PCDHGA3: variants seen among roughly 807,000 people sequenced by gnomAD.
PCDHGA3 encodes the protein protocadherin gamma subfamily A, 3.
PCDHGA3 carries 40 observed loss-of-function variants against 58.5 expected under a neutral mutation model. The ratio of observed to expected loss-of-function variants is 0.68; its 90% CI spans 0.53 to 0.89. The LOEUF is 0.89. Among genes scored for constraint, PCDHGA3 ranks in the 40% least tolerant of loss-of-function variants. The pLI is 0.00. For missense variants in PCDHGA3, 1,223 were observed against 1,195.9 expected (o/e 1.02, Z -0.33); for synonymous variants, 530 against 525.7 (o/e 1.01, Z -0.11).
rs573088236 is a variant in PCDHGA3, at chr5:141,489,279, G to A, written c.2425-5528G>A. On this transcript the variant is annotated intron_variant, in intron 1 of 3. Coordinates refer to ENST00000253812, the MANE Select transcript of PCDHGA3 (RefSeq NM_018916.4). This position sits in a 1 kb window ranked among gnomAD's most constrained non-coding sequence, Gnocchi z 4.5. Reference sequence around the variant, plus strand: ...CACTCCCACAGCTCGCTGGGAAATGGCAAGTGCTGTGCATGTTGTCCTTGT... The same window carrying A: ...CACTCCCACAGCTCGCTGGGAAATGACAAGTGCTGTGCATGTTGTCCTTGT... The A allele has an allele frequency of 6.4e-7, 1 of 1,562,030 alleles. No individual in the cohort carries two copies. Among genetic ancestry groups the A allele is most frequent in the East Asian group, 2.2e-5 (1 of 44,522 alleles).
Position 141,485,618 on chromosome 5 carries a change from G to A in PCDHGA3, c.2425-9189G>A, listed in dbSNP as rs2099616729. 2.5e-6 allele frequency: 4 copies of A among 1,612,092 alleles called. No individual in the cohort carries two copies. Among genetic ancestry groups the A allele is most frequent in the Non-Finnish European group, 3.4e-6 (4 of 1,178,672 alleles). On this transcript the variant is annotated intron_variant, in intron 1 of 3. Coordinates refer to ENST00000253812, the MANE Select transcript of PCDHGA3 (RefSeq NM_018916.4). This position sits in a 1 kb window ranked among gnomAD's most constrained non-coding sequence, Gnocchi z 5.7. The stretch of plus-strand genomic sequence containing the variant: ...GGAAATTGGGGAGGCAGCTCCTCCA[G>A]GACAGCGTTTCCCGTTGGAAAAGGC...
chr5:141,375,702 C>T, intron 1 of PCDHGA3: 2 of 1,614,242 alleles, frequency 1.2e-6, no homozygotes, highest in Non-Finnish European at 1.7e-6. Flanking sequence ...AGCGGGGACC[C>T]GCCTCTTAGC....
At chr5:141,370,708 A>G in intron 1 of PCDHGA3, 6 of 1,613,778 alleles carry the variant, frequency 3.7e-6, no homozygotes, top group Non-Finnish European at 5.1e-6. Context: ...TGTGTTCTGG[A>G]ATTTGAAATG....
At chr5:141,346,518 C>A in intron 1 of PCDHGA3, 61 bp downstream of exon 1, 1 of 1,596,576 alleles carries the variant, frequency 6.3e-7, no homozygotes. Flanking sequence ...TATTATAAAG[C>A]TTTAACACAT....
At chr5:141,415,036 T>C (rs772612744) in intron 1 of PCDHGA3, 1 of 1,613,526 alleles carries the variant, frequency 6.2e-7, no homozygotes, top group Admixed American at 1.7e-5. Context: ...GCCGGGACTC[T>C]TCGCGGTGGG....
chr5:141,432,797 T>C lies in PCDHGA3; in HGVS notation c.2425-62010T>C, dbSNP rs1591218426. On this transcript the variant is annotated intron_variant, in intron 1 of 3. Coordinates refer to ENST00000253812, the MANE Select transcript of PCDHGA3 (RefSeq NM_018916.4). The surrounding 1 kb of genome is among the most constrained non-coding windows in gnomAD (Gnocchi z 6.0). The stretch of plus-strand genomic sequence containing the variant: ...CCTGGCGGACCTCGGCAGCCTCGAG[T>C]CTCCAGCTAACTCTGAAACCTCAGA... 2.5e-6 allele frequency: 4 copies of C among 1,613,752 alleles called. No individual in the cohort carries two copies. The highest frequency in any genetic ancestry group is 2.7e-5 in the African/African-American group (2 of 74,816).
intron 1 of PCDHGA3, chr5:141,399,834 G>C (rs375768001): frequency 2.4e-5 from 39 of 1,613,004 alleles, no homozygotes; most frequent in Non-Finnish European, 2.9e-5. Flanking sequence ...ACGGCTCTGC[G>C]CTCTTCGATA....
intron 1 of PCDHGA3, among the ~76,000 whole-genome samples, chr5:141,447,761 T>C (rs2098551051): frequency 1.3e-5 from 2 of 152,186 alleles, no homozygotes; most frequent in African/African-American, 4.8e-5. Context: ...TGACTGTATA[T>C]AAATTATACT....
At chr5:141,389,311 A>C in intron 1 of PCDHGA3, 2 of 1,613,988 alleles carry the variant, frequency 1.2e-6, no homozygotes, top group Non-Finnish European at 1.7e-6. Context: ...AGGGCTTCTG[A>C]TCCGGACTTG....
rs201669321 is a variant in PCDHGA3, at chr5:141,375,837, G to A, written c.2424+29380G>A. The A allele has an allele frequency of 2.1e-5, 34 of 1,613,980 alleles. No individual in the cohort carries two copies. Among genetic ancestry groups the A allele is most frequent in the Non-Finnish European group, 2.6e-5 (31 of 1,180,040 alleles). Reference sequence around the variant, plus strand: ...CTGGCGCCCCGCTCCGCAGAGCCCGGCTACCTGGTGACCAAGGTGGTGGCG... The same window carrying A: ...CTGGCGCCCCGCTCCGCAGAGCCCGACTACCTGGTGACCAAGGTGGTGGCG... On this transcript the variant is annotated intron_variant, in intron 1 of 3. Coordinates refer to ENST00000253812, the MANE Select transcript of PCDHGA3 (RefSeq NM_018916.4).
At chr5:141,505,345 G>C (rs776607130) in intron 2 of PCDHGA3, 48 bp from the exon 3 acceptor site, 3 of 1,613,086 alleles carry the variant, frequency 1.9e-6, no homozygotes, top group Non-Finnish European at 2.5e-6. Flanking sequence ...AGGGGCATGA[G>C]CTGTGCCGGC....
chr5:141,357,669 G>C, intron 1 of PCDHGA3: 2 of 1,597,474 alleles, frequency 1.3e-6, no homozygotes, highest in Non-Finnish European at 1.7e-6. Flanking sequence ...TATAGACAAA[G>C]AGTTGTGTAA....
Position 141,477,198 on chromosome 5 carries a change from TACCCGAGGATG to T in PCDHGA3, c.2425-17608_2425-17598del. 6.2e-7 allele frequency: 1 copy of T among 1,614,194 alleles called. No homozygotes were observed. The highest frequency in any genetic ancestry group is 2.2e-5 in the East Asian group (1 of 44,874). On this transcript the variant is annotated intron_variant, in intron 1 of 3. Transcript: ENST00000253812. The surrounding 1 kb of genome is among the most constrained non-coding windows in gnomAD (Gnocchi z 4.9). ...ACAGTCACCTCCGTGTACAGCCCAG[TACCCGAGGATG>T]CCCCTCTGGGGACTGTCATCGCTTT...
intron 1 of PCDHGA3, chr5:141,394,481 T>G (rs766569646): frequency 6.2e-7 from 1 of 1,614,206 alleles, no homozygotes; most frequent in African/African-American, 1.3e-5. Flanking sequence ...TGGACCAGAA[T>G]GACAACGCGC....
chr5:141,350,774 A>T (rs745403144), intron 1 of PCDHGA3: 1 of 1,613,850 alleles, frequency 6.2e-7, no homozygotes, highest in Non-Finnish European at 8.5e-7. Flanking sequence ...CATCAACCCC[A>T]ATCAATACTT....
chr5:141,456,426 A>G (rs2098857765), intron 1 of PCDHGA3, among the ~76,000 whole-genome samples: 1 of 152,210 alleles, frequency 6.6e-6, no homozygotes, highest in Non-Finnish European at 1.5e-5. Context: ...AATTCAAGTT[A>G]TAGTATTGAG....
intron 1 of PCDHGA3, chr5:141,405,079 C>G (rs1383258618): frequency 6.2e-7 from 1 of 1,613,898 alleles, no homozygotes; most frequent in South Asian, 1.1e-5. Context: ...CCTTCGTTAT[C>G]ACGCTGCTGG....
chr5:141,399,750 C>A, intron 1 of PCDHGA3: 1 of 1,613,330 alleles, frequency 6.2e-7, no homozygotes, highest in Non-Finnish European at 8.5e-7. Flanking sequence ...TCAGCGCAAA[C>A]GTGAGCCTGC....
At position 141,489,258 on chromosome 5, in the gene PCDHGA3, C is replaced by T. The variant is rs1594800449; in HGVS notation, c.2425-5549C>T. 3.2e-6 allele frequency: 5 copies of T among 1,551,530 alleles called. No individual in the cohort carries two copies. Among genetic ancestry groups the T allele is most frequent in the African/African-American group, 1.4e-5 (1 of 73,276 alleles). On this transcript the variant is annotated intron_variant, in intron 1 of 3. Coordinates refer to ENST00000253812, the MANE Select transcript of PCDHGA3 (RefSeq NM_018916.4). This position sits in a 1 kb window ranked among gnomAD's most constrained non-coding sequence, Gnocchi z 4.5. Reference sequence around the variant, plus strand: ...TCTGGGTCATGGGGCCCAAGACACTCCCACAGCTCGCTGGGAAATGGCAAG... The same window carrying T: ...TCTGGGTCATGGGGCCCAAGACACTTCCACAGCTCGCTGGGAAATGGCAAG...
Sources: gnomAD v4.1 joint callset for allele counts (sites outside exome capture counted in the v4.1 genomes callset) on GRCh38, gnomAD v4.1.1 for gene constraint, Gnocchi (gnomAD v3.1) non-coding constraint, MANE v1.5 for transcripts, NCBI Gene and HGNC (gene_info 2026-07-23, HGNC 2026-07-21) for gene names.